Variants in ITGB3 observed in about 807,000 individuals in gnomAD.
ITGB3 encodes the protein integrin subunit beta 3, also known as integrin beta-3.
A neutral mutation model predicts 85.8 loss-of-function variants in ITGB3; 48 were observed. The observed-to-expected ratio is 0.56, with a 90% CI of 0.44 to 0.71. The LOEUF (loss-of-function observed/expected upper bound fraction) is 0.71, where lower values mean the gene tolerates loss of function less well. Ranked by LOEUF, ITGB3 falls within the 30% of genes least tolerant of loss-of-function variation. The pLI is 0.00. For missense variants in ITGB3, 861 were observed against 1,019.1 expected, an observed-to-expected ratio of 0.84 and a Z score of 2.11; for synonymous variants, 363 against 395.6, an observed-to-expected ratio of 0.92 and a Z score of 0.98.
At chr17:47,306,180 A>G (rs987274666) in intron 13 of ITGB3, among the ~76,000 whole-genome samples, 2 of 152,240 alleles carry the variant, frequency 1.3e-5, no homozygotes, top group Non-Finnish European at 2.9e-5. Flanking sequence ...CTGGTAAACT[A>G]GAAAACATGA....
chr17:47,291,183 AC>A, intron 9 of ITGB3, 95 bp downstream of exon 9: 3 of 1,453,494 alleles, frequency 2.1e-6, no homozygotes, highest in Non-Finnish European at 1.9e-6. Context: ...GCCCCCTTCC[AC>A]CAGAAAAAAA....
chr17:47,255,179 A>G (rs888701783), intron 1 of ITGB3, among the ~76,000 whole-genome samples: 2 of 151,544 alleles, frequency 1.3e-5, no homozygotes, highest in African/African-American at 2.4e-5. Context: ...CGGTTTCACC[A>G]TGTTGGCCAG....
At chr17:47,307,319 A>T in intron 13 of ITGB3, 152 bp from the exon 14 acceptor site, 1 of 828,362 alleles carries the variant, frequency 1.2e-6, no homozygotes. Context: ...TTGCTGTCCT[A>T]ATGATTGTCT....
chr17:47,297,330 T>C (rs1437617590), intron 10 of ITGB3, among the ~76,000 whole-genome samples: 1 of 152,102 alleles, frequency 6.6e-6, no homozygotes, highest in African/African-American at 2.4e-5. Context: ...AGGGTTGTTA[T>C]AACAAATGAA....
At chr17:47,304,029 C>T (rs1171750438) in intron 13 of ITGB3, among the ~76,000 whole-genome samples, 2 of 152,088 alleles carry the variant, frequency 1.3e-5, no homozygotes, top group African/African-American at 2.4e-5. Context: ...GGACTACAGG[C>T]GTACACTACC....
At chr17:47,294,708 T>C (rs1486831692) in intron 10 of ITGB3, among the ~76,000 whole-genome samples, 2 of 152,244 alleles carry the variant, frequency 1.3e-5, no homozygotes, top group East Asian at 1.9e-4. Context: ...GCACTTGCTC[T>C]GTGCCATCAT....
At position 47,284,519 on chromosome 17, in the gene ITGB3, G is replaced by A. The variant is rs757119684; in HGVS notation, c.438G>A (p.Leu146=). 5.0e-6 allele frequency: 8 copies of A among 1,614,026 alleles called. No individual in the cohort carries two copies. The African/African-American group carries it at 9.3e-5, about 19-fold the overall frequency. Residue 146 remains leucine (L), a synonymous_variant, in exon 4 of 15, where the codon CTG becomes CTA. Coordinates refer to ENST00000559488, the MANE Select transcript of ITGB3 (RefSeq NM_000212.3). ...TGGACATCTACTACTTGATGGACCTGTCTTACTCCATGAAGGATGATCTGT... is the reference window on the plus strand; with the variant it reads ...TGGACATCTACTACTTGATGGACCTATCTTACTCCATGAAGGATGATCTGT... ...YPVDIYYLMD[L]SYSMKDDLWS... is the part of the protein sequence containing the mutation.
At chr17:47,290,669 C>T (rs12942968) in intron 8 of ITGB3, among the ~76,000 whole-genome samples, 1 of 152,168 alleles carries the variant, frequency 6.6e-6, no homozygotes, top group Non-Finnish European at 1.5e-5. Context: ...AGTATTGGCA[C>T]TCCCCTTTTG....
intron 12 of ITGB3, 27 bp downstream of exon 12, chr17:47,300,605 A>G (rs1272502878): frequency 6.5e-7 from 1 of 1,531,668 alleles, no homozygotes; most frequent in African/African-American, 1.4e-5. Context: ...TTAGAGTTGC[A>G]CACACCCAGG....
intron 1 of ITGB3, among the ~76,000 whole-genome samples, chr17:47,261,798 G>A (rs1421574610): frequency 1.3e-5 from 2 of 152,170 alleles, no homozygotes; most frequent in East Asian, 3.8e-4. Context: ...GGGATTACAC[G>A]CATAAGCCAC....
At chr17:47,263,943 G>A (rs55989631) in intron 1 of ITGB3, among the ~76,000 whole-genome samples, 24,525 of 152,204 alleles carry the variant, frequency 0.16, 2,362 homozygotes, top group Non-Finnish European at 0.22. Context: ...AAAGGAATTG[G>A]GAGGAAAGAC....
chr17:47,274,928 C>G (rs8064871), intron 2 of ITGB3, among the ~76,000 whole-genome samples: 29,770 of 152,116 alleles, frequency 0.2, 3,123 homozygotes, highest in Middle Eastern at 0.32. Context: ...TCATGTGTGA[C>G]CCACCATGCC....
intron 1 of ITGB3, 134 bp from the exon 2 acceptor site, chr17:47,274,285 T>TG (rs1176970582): frequency 1.3e-6 from 1 of 768,378 alleles, no homozygotes; most frequent in Non-Finnish European, 2.3e-6. Flanking sequence ...TAGACGTCTG[T>TG]GGTATGGTTA....
chr17:47,283,702 A>G (rs1419015629), intron 3 of ITGB3, among the ~76,000 whole-genome samples, 153 bp downstream of exon 3: 1 of 152,196 alleles, frequency 6.6e-6, no homozygotes. Flanking sequence ...AAGAGAATGG[A>G]AGAAAATAAG....
rs2065209530 is a variant in ITGB3 at position 47,310,415 on chromosome 17, G to A, written c.*211G>A. ...GTGTGTGTGTTGTGTGTGGGAGTGT[G>A]TAATTTAAAATTGTGATGTGTCCTG... On this transcript the variant is annotated 3_prime_UTR_variant, in exon 15 of 15. Transcript: ENST00000559488. 2.3e-5 allele frequency: 15 copies of A among 647,232 alleles called. No individual in the cohort carries two copies. The East Asian group carries it at 4.2e-4, about 18-fold the overall frequency. 40.1% of individuals were successfully genotyped at this position (647,232 alleles called of 1,614,324 possible). A position where few individuals can be genotyped will look rare whatever the true frequency, so the allele number is the denominator to read the frequency against.
rs2065124995 is a variant in ITGB3, at chr17:47,291,375, A to T, written c.1260+287A>T. 4 of 575,362 alleles carry T rather than the reference A, an allele frequency of 7.0e-6. No homozygotes were observed. In the South Asian group the frequency reaches 9.4e-5, roughly 14 times the overall value. The allele number at this position is 575,362 out of a possible 1,614,324, so 35.6% of individuals were successfully genotyped here. A position where few individuals can be genotyped will look rare whatever the true frequency, so the allele number is the denominator to read the frequency against. On this transcript the variant is annotated intron_variant, in intron 9 of 14. Transcript: ENST00000559488. ...GTTTGTGTATGCACAGTTGATTGCA[A>T]AGGAAAATATTTCTTTACCTTCAGT...
At chr17:47,294,306 A>G (rs2065137931) in intron 10 of ITGB3, among the ~76,000 whole-genome samples, 1 of 152,218 alleles carries the variant, frequency 6.6e-6, no homozygotes, top group South Asian at 2.1e-4. Context: ...AAGGTTGGGG[A>G]CTGAGGGAGA....
intron 1 of ITGB3, among the ~76,000 whole-genome samples, chr17:47,272,290 G>A (rs1218760125): frequency 2.6e-5 from 4 of 151,720 alleles, no homozygotes; most frequent in Admixed American, 6.6e-5. Flanking sequence ...TCCTGACCTC[G>A]TGATCCGCCG....
rs892005086 is a variant in ITGB3, at chr17:47,290,376, G to T, written c.1125+102G>T. On this transcript the variant is annotated intron_variant, in intron 8 of 14. Transcript: ENST00000559488. ...AGTCCCAGTTGCCAGTCTACCACAC[G>T]GTCTTACTGCCTTCTCCGTGTGCTC... 4 of 965,988 alleles carry T rather than the reference G, an allele frequency of 4.1e-6. No homozygotes were observed. The Admixed American group carries it at 6.8e-5, about 16-fold the overall frequency. 59.8% of individuals were successfully genotyped at this position (965,988 alleles called of 1,614,324 possible). A position where few individuals can be genotyped will look rare whatever the true frequency, so the allele number is the denominator to read the frequency against.
Sources: gnomAD v4.1 joint callset for allele counts (sites outside exome capture counted in the v4.1 genomes callset) on GRCh38, gnomAD v4.1.1 for gene constraint, MANE v1.5 for transcripts, NCBI Gene and HGNC (gene_info 2026-07-23, HGNC 2026-07-21) for gene names.